The following FRMPD4 variants were observed in gnomAD, a reference collection of about 807,000 sequenced individuals.
FRMPD4 encodes FERM and PDZ domain containing 4.
In FRMPD4, 22 loss-of-function variants were observed where a neutral mutation model predicts 94.1. The ratio of observed to expected loss-of-function variants is 0.23; its 90% CI spans 0.17 to 0.33. The LOEUF (loss-of-function observed/expected upper bound fraction) is 0.33, where lower values mean the gene tolerates loss of function less well. Among genes scored for constraint, FRMPD4 ranks in the 10% least tolerant of loss-of-function variants. FRMPD4 has a pLI of 1.00. For synonymous variants in FRMPD4, 631 were observed against 548.6 expected (o/e 1.15, Z -2.10); for missense variants, 1,111 against 1,339.9 (o/e 0.83, Z 2.67).
At chrX:12,201,726 G>A (rs747831208) in intron 1 of FRMPD4, among the ~76,000 whole-genome samples, 2 of 111,988 alleles carry the variant, frequency 1.8e-5, no homozygotes, top group East Asian at 5.6e-4. Context: ...TGCATGGTCT[G>A]TCAGAAGGGA....
chrX:11,856,587 C>T (rs1257693171), intron 1 of FRMPD4, among the ~76,000 whole-genome samples: 1 of 111,484 alleles, frequency 9.0e-6, no homozygotes, highest in Non-Finnish European at 1.9e-5. Flanking sequence ...ATGACAAACC[C>T]ATAGCCAGTA....
intron 1 of FRMPD4, among the ~76,000 whole-genome samples, chrX:12,362,867 G>A (rs961248480): frequency 3.6e-5 from 4 of 111,737 alleles, no homozygotes; most frequent in East Asian, 5.6e-4. Flanking sequence ...TCCAGCACCT[G>A]TTGTTTCCTG....
chrX:12,624,988 A>G (rs2059332045), intron 4 of FRMPD4, among the ~76,000 whole-genome samples: 1 of 112,181 alleles, frequency 8.9e-6, no homozygotes, highest in African/African-American at 3.2e-5. Context: ...CTGAATAGAC[A>G]TTTATCAAAA....
intron 1 of FRMPD4, among the ~76,000 whole-genome samples, chrX:12,201,740 T>G (rs955256164): frequency 1.8e-5 from 2 of 111,893 alleles, no homozygotes; most frequent in African/African-American, 3.2e-5. Context: ...GAAGGGAAGA[T>G]GCTTCCCATA....
Position 12,716,467 on chromosome X carries a change from G to A in FRMPD4, c.2008G>A (p.Gly670Ser), listed in dbSNP as rs762189340. The A allele has an allele frequency of 5.8e-6, 7 of 1,210,491 alleles. No homozygotes were observed. The South Asian group carries it at 1.1e-4, about 18-fold the overall frequency. ...TGATGGTATTAGTCCCCCAACCCTTGGCTATGAAACGCTACTAGATGAGGG... is the reference window on the plus strand; with the variant it reads ...TGATGGTATTAGTCCCCCAACCCTTAGCTATGAAACGCTACTAGATGAGGG... ...LDDGISPPTL[G>S]YETLLDEGPE... The change falls in exon 15 of 17, where the codon GGC becomes AGC. Residue 670 changes from glycine to serine, a missense_variant. Gly to Ser is a moderately conservative substitution (Grantham distance 56, BLOSUM62 0). Transcript: ENST00000675598.
At position 12,479,501 on chromosome X, in the gene FRMPD4, A is replaced by T. The variant is rs191636724; in HGVS notation, c.42-19179A>T. ...ATATACATATATATACGTATATATT[A>T]TATATATATATATATTTTGAGACAG... On this transcript the variant is annotated intron_variant, in intron 1 of 16. Coordinates refer to ENST00000675598, the MANE Select transcript of FRMPD4 (RefSeq NM_001368397.1). Among the ~76,000 whole-genome samples the T allele has an allele frequency of 7.5e-3, 756 of 100,360 alleles. 10 individuals are homozygous for T. Among genetic ancestry groups the T allele is most frequent in the African/African-American group, 0.024 (672 of 27,803 alleles). The allele number at this position is 100,360 out of a possible 115,157, so 87.2% of individuals were successfully genotyped here.
At chrX:12,082,339 G>A (rs1328089991) in intron 3 of FRMPD4, among the ~76,000 whole-genome samples, 1 of 111,372 alleles carries the variant, frequency 9.0e-6, no homozygotes, top group African/African-American at 3.3e-5. Flanking sequence ...GTTTATCAGG[G>A]GTTTCCACTT....
chrX:12,591,858 G>A (rs2058985623), intron 2 of FRMPD4, among the ~76,000 whole-genome samples: 1 of 111,498 alleles, frequency 9.0e-6, no homozygotes, highest in African/African-American at 3.3e-5. Context: ...AAAGTATGGT[G>A]CCTTGGCATG....
chrX:12,578,367 T>C (rs1210135699), intron 2 of FRMPD4, among the ~76,000 whole-genome samples: 1 of 111,948 alleles, frequency 8.9e-6, no homozygotes, highest in East Asian at 2.8e-4. Flanking sequence ...ACTAGTTTTA[T>C]GTTTTTTTTA....
intron 1 of FRMPD4, among the ~76,000 whole-genome samples, chrX:12,411,975 G>A (rs2056737895): frequency 8.9e-6 from 1 of 111,875 alleles, no homozygotes; most frequent in African/African-American, 3.2e-5. Flanking sequence ...GGAAGAAGGA[G>A]AGAATGTCTG....
chrX:12,446,794 T>C (rs773874478), intron 1 of FRMPD4, among the ~76,000 whole-genome samples: 1 of 112,127 alleles, frequency 8.9e-6, no homozygotes, highest in Non-Finnish European at 1.9e-5. Context: ...GGTATGTCTT[T>C]GTCAGCAGCA....
At chrX:12,096,805 C>T (rs6640888) in intron 3 of FRMPD4, among the ~76,000 whole-genome samples, 39,798 of 109,973 alleles carry the variant, frequency 0.36, 5,502 homozygotes, top group East Asian at 0.7. Flanking sequence ...GAGTATTGCT[C>T]GAGCCCAGGA....
intron 1 of FRMPD4, among the ~76,000 whole-genome samples, chrX:12,180,767 G>T (rs1317228212): frequency 1.8e-5 from 2 of 112,519 alleles, no homozygotes; most frequent in African/African-American, 6.4e-5. Context: ...TAGCATGAAA[G>T]CAGCCATAGA....
At chrX:12,301,355 A>G (rs1207732011) in intron 1 of FRMPD4, among the ~76,000 whole-genome samples, 1 of 111,940 alleles carries the variant, frequency 8.9e-6, no homozygotes, top group Non-Finnish European at 1.9e-5. Context: ...AGCTTGTAAA[A>G]GTCTTTATCA....
intron 1 of FRMPD4, among the ~76,000 whole-genome samples, chrX:12,349,094 C>A (rs983060349): frequency 9.0e-6 from 1 of 111,132 alleles, no homozygotes; most frequent in Admixed American, 9.5e-5. Flanking sequence ...CTCTGTCCCC[C>A]CTGGAGACCC....
At chrX:11,912,080 A>G (rs983456640) in intron 3 of FRMPD4, among the ~76,000 whole-genome samples, 10 of 112,059 alleles carry the variant, frequency 8.9e-5, no homozygotes, top group Non-Finnish European at 1.7e-4. Context: ...GACTTCTCCA[A>G]TCCAGAAGCC....
chrX:12,341,950 A>C (rs776583943), intron 1 of FRMPD4, among the ~76,000 whole-genome samples: 2 of 112,141 alleles, frequency 1.8e-5, no homozygotes, highest in Admixed American at 1.9e-4. Context: ...GCTAAATGGA[A>C]AGAAAGTAAT....
At chrX:12,697,178 C>T (rs2060141658) in intron 9 of FRMPD4, among the ~76,000 whole-genome samples, 1 of 112,264 alleles carries the variant, frequency 8.9e-6, no homozygotes, top group Non-Finnish European at 1.9e-5. Context: ...GAAACTGCCA[C>T]GTTTTGGGTT....
At chrX:11,969,495 G>T (rs1013396251) in intron 3 of FRMPD4, among the ~76,000 whole-genome samples, 3 of 112,178 alleles carry the variant, frequency 2.7e-5, no homozygotes, top group Non-Finnish European at 5.6e-5. Flanking sequence ...TGGAATAAAA[G>T]AATCATATAT....
Sources: allele counts gnomAD v4.1 joint callset (sites outside exome capture counted in the v4.1 genomes callset), GRCh38; gene constraint gnomAD v4.1.1; transcripts MANE v1.5; gene names NCBI Gene and HGNC (gene_info 2026-07-23, HGNC 2026-07-21).